Variants in AK9 observed in about 807,000 individuals in gnomAD.
The protein encoded by AK9 is adenylate kinase domain containing 1.
In AK9, 191 loss-of-function variants were observed where a neutral mutation model predicts 239.6. The ratio of observed to expected loss-of-function variants is 0.80; its 90% CI spans 0.71 to 0.90. AK9 has a LOEUF of 0.90. Ranked by LOEUF, AK9 falls within the 40% of genes least tolerant of loss-of-function variation. The probability of loss-of-function intolerance (pLI) is 0.00; values close to 1 mark genes in which losing one functional copy is unlikely to be tolerated. For missense variants in AK9, 1,995 were observed against 2,214.7 expected, an observed-to-expected ratio of 0.90 and a Z score of 1.99; for synonymous variants, 689 against 721.0, an observed-to-expected ratio of 0.96 and a Z score of 0.71.
intron 17 of AK9, among the ~76,000 whole-genome samples, chr6:109,594,764 A>C (rs746247828): frequency 3.9e-4 from 59 of 152,228 alleles, no homozygotes; most frequent in Non-Finnish European, 8.2e-4. Flanking sequence ...TGGGGAAAGG[A>C]TTCCCTGTTT....
At chr6:109,582,791 A>G (rs772615908) in intron 19 of AK9, among the ~76,000 whole-genome samples, 2 of 152,210 alleles carry the variant, frequency 1.3e-5, no homozygotes, top group Non-Finnish European at 2.9e-5. Flanking sequence ...CATACTACAG[A>G]AAAATATTTT....
In AK9 at chr6:109,514,250, C is replaced by T. The variant is rs1471302646; in HGVS notation, c.4253G>A (p.Gly1418Glu). 2 of 1,551,260 alleles carry T rather than the reference C, an allele frequency of 1.3e-6. No homozygotes were observed. Among genetic ancestry groups the T allele is most frequent in the East Asian group, 2.4e-5 (1 of 40,918 alleles). ...TGTAGTTTTCCCAGATTTTGGAGGC[C>T]CCACAATTATAATCCTAATGGGCAC... ...PTVPIRIIIV[G>E]PPKSGKTTVA... Residue 1418 changes from glycine to glutamate, a missense_variant, in exon 32 of 41, where the codon GGG becomes GAG. Gly to Glu is a moderately conservative substitution (Grantham distance 98, BLOSUM62 -2). This residue lies in a region of AK9 where 1,290 missense variants were observed against 1,392.7 expected (regional missense o/e 0.93). Transcript: ENST00000424296.
intron 6 of AK9, among the ~76,000 whole-genome samples, chr6:109,659,987 A>G (rs1405298040): frequency 1.3e-5 from 2 of 152,200 alleles, no homozygotes; most frequent in African/African-American, 4.8e-5. Flanking sequence ...AAAGTCTACA[A>G]GTAAGTTTCT....
At chr6:109,665,861 A>T (rs1465497860) in intron 5 of AK9, among the ~76,000 whole-genome samples, 2 of 152,212 alleles carry the variant, frequency 1.3e-5, no homozygotes, top group African/African-American at 4.8e-5. Context: ...TCACAGAAAG[A>T]TGCTTGGCAC....
intron 27 of AK9, among the ~76,000 whole-genome samples, chr6:109,538,329 T>C (rs1204067319): frequency 6.6e-6 from 1 of 152,242 alleles, no homozygotes; most frequent in Non-Finnish European, 1.5e-5. Context: ...TTAGCTCTTC[T>C]TGTTGAATTG....
chr6:109,573,331 C>T (rs1787666838), intron 21 of AK9, 111 bp downstream of exon 21: 3 of 1,200,408 alleles, frequency 2.5e-6, no homozygotes, highest in Non-Finnish European at 3.3e-6. Context: ...GGGCTCATCT[C>T]TCCATTCTCA....
intron 9 of AK9, among the ~76,000 whole-genome samples, chr6:109,643,255 C>T (rs1348905240): frequency 6.6e-6 from 1 of 152,230 alleles, no homozygotes; most frequent in Non-Finnish European, 1.5e-5. Flanking sequence ...GAGCATGTCC[C>T]AAGTGAGGAG....
Position 109,573,582 on chromosome 6 carries a change from G to A in AK9, c.2204C>T (p.Thr735Ile). The change falls in exon 21 of 41, where the codon ACT becomes ATT. Residue 735 changes from threonine to isoleucine, a missense_variant. Coordinates refer to ENST00000424296, the MANE Select transcript of AK9 (RefSeq NM_001145128.3). ...MKVKAKEAEE[T>I]DNEDEEEIEG... ...AATCTCCTCTTCATCCTCATTATCA[G>A]TCTCTTCAGCTTCTAAAAAAATTTG... 6.5e-7 allele frequency: 1 copy of A among 1,545,022 alleles called. No individual in the cohort carries two copies.
At chr6:109,562,750 G>GT (rs11287572) in intron 24 of AK9, among the ~76,000 whole-genome samples, 5 of 151,302 alleles carry the variant, frequency 3.3e-5, no homozygotes, top group African/African-American at 9.7e-5. Context: ...AATTGGGAGG[G>GT]TTTTTTTTTA....
At chr6:109,552,524 C>T (rs1233612125) in intron 24 of AK9, among the ~76,000 whole-genome samples, 3 of 151,990 alleles carry the variant, frequency 2.0e-5, no homozygotes, top group African/African-American at 7.2e-5. Context: ...TCTGTTCATA[C>T]ATTTGGACTA....
chr6:109,677,408 T>C lies in AK9; in HGVS notation c.-11-1652A>G, dbSNP rs62435988. 9.2e-3 allele frequency among the ~76,000 whole-genome samples: 1,401 copies of C among 152,264 alleles called. 13 individuals are homozygous for C. The highest frequency in any genetic ancestry group is 0.013 in the Non-Finnish European group (905 of 67,998). ...TTAGTGATATATCATGTGCACTAAC[T>C]ATAACATTTTGCTGATGAACACTAA... On this transcript the variant is annotated intron_variant, in intron 1 of 40. Transcript: ENST00000424296.
intron 10 of AK9, among the ~76,000 whole-genome samples, chr6:109,634,381 A>G (rs188405818): frequency 1.3e-5 from 2 of 152,326 alleles, no homozygotes; most frequent in East Asian, 3.9e-4. Context: ...ATTTCTGTGA[A>G]CCAAATGAAC....
chr6:109,602,596 A>G (rs1487051283), intron 17 of AK9, among the ~76,000 whole-genome samples: 13 of 151,982 alleles, frequency 8.6e-5, no homozygotes, highest in Non-Finnish European at 1.5e-5. Context: ...CGTTCTCTGT[A>G]TTTCCTGAAT....
intron 10 of AK9, among the ~76,000 whole-genome samples, chr6:109,639,752 G>A (rs891154424): frequency 2.6e-5 from 4 of 152,212 alleles, no homozygotes; most frequent in African/African-American, 9.7e-5. Context: ...GTATTGCCTA[G>A]GTTTGCTTCT....
At chr6:109,575,280 G>C (rs1787918351) in intron 20 of AK9, among the ~76,000 whole-genome samples, 1 of 152,064 alleles carries the variant, frequency 6.6e-6, no homozygotes, top group African/African-American at 2.4e-5. Context: ...TGTTGTACTG[G>C]TTTACATTCC....
intron 8 of AK9, among the ~76,000 whole-genome samples, chr6:109,645,923 C>T (rs573104877): frequency 1.3e-5 from 2 of 152,336 alleles, no homozygotes; most frequent in South Asian, 2.1e-4. Context: ...CTACAGCGTT[C>T]GCTGGTGATA....
intron 37 of AK9, 116 bp from the exon 38 acceptor site, chr6:109,497,679 G>T: frequency 7.2e-7 from 1 of 1,381,942 alleles, no homozygotes; most frequent in Non-Finnish European, 9.9e-7. Flanking sequence ...GGAAGAAATA[G>T]AATATTTTTC....
chr6:109,632,304 T>G (rs1796166373), intron 12 of AK9: 1 of 985,708 alleles, frequency 1.0e-6, no homozygotes, highest in Non-Finnish European at 1.2e-6. Flanking sequence ...GTGCCATTCC[T>G]TCTTGCATAG....
chr6:109,690,306 T>C (rs924194221), intron 1 of AK9, among the ~76,000 whole-genome samples: 1 of 152,224 alleles, frequency 6.6e-6, no homozygotes, highest in Admixed American at 6.5e-5. Flanking sequence ...AATACTTCAG[T>C]CGTTGAAAGG....
Sources: gnomAD v4.1 joint callset for allele counts (sites outside exome capture counted in the v4.1 genomes callset) on GRCh38, gnomAD v4.1.1 for gene constraint, gnomAD v4.1.1 regional missense constraint, MANE v1.5 for transcripts, NCBI Gene and HGNC (gene_info 2026-07-23, HGNC 2026-07-21) for gene names.